Variants in WWOX observed in about 807,000 individuals in gnomAD.
The protein encoded by WWOX is WW domain-containing oxidoreductase.
In WWOX, 69 loss-of-function variants were observed where a neutral mutation model predicts 46.2. The ratio of observed to expected loss-of-function variants is 1.49; its 90% confidence interval spans 1.23 to 1.82. The LOEUF is 1.82. Among genes scored for constraint, WWOX ranks in the 40% most tolerant of loss-of-function variants. WWOX has a pLI of 0.00. For missense variants in WWOX, 919 were observed against 542.6 expected, an observed-to-expected ratio of 1.69 and a Z score of -6.89; for synonymous variants, 359 against 202.6, an observed-to-expected ratio of 1.77 and a Z score of -6.56.
intron 8 of WWOX, among the ~76,000 whole-genome samples, chr16:78,633,331 C>T (rs2046486226): frequency 1.3e-5 from 2 of 152,134 alleles, no homozygotes; most frequent in Non-Finnish European, 2.9e-5. Context: ...TGGGGCTACC[C>T]AACTAGGTCG....
At chr16:78,476,687 G>A (rs775891841) in intron 8 of WWOX, among the ~76,000 whole-genome samples, 2 of 152,078 alleles carry the variant, frequency 1.3e-5, no homozygotes, top group African/African-American at 4.8e-5. Flanking sequence ...TGATCACAGA[G>A]GATGAAAAGT....
intron 8 of WWOX, among the ~76,000 whole-genome samples, chr16:78,469,774 C>T (rs1223261297): frequency 2.6e-5 from 4 of 152,134 alleles, no homozygotes; most frequent in Non-Finnish European, 5.9e-5. Flanking sequence ...TCCCTGTTTC[C>T]CTAAGAAGAG....
intron 8 of WWOX, among the ~76,000 whole-genome samples, chr16:78,452,794 A>C (rs191209726): frequency 6.7e-6 from 1 of 150,348 alleles, no homozygotes; most frequent in East Asian, 2.0e-4. Context: ...ATACGTATTT[A>C]TGTCTTTCGA....
intron 6 of WWOX, among the ~76,000 whole-genome samples, chr16:78,416,142 A>G (rs939569809): frequency 6.6e-6 from 1 of 152,220 alleles, no homozygotes; most frequent in Non-Finnish European, 1.5e-5. Context: ...AATGCTGACT[A>G]GTAACATCAG....
At chr16:78,664,064 T>C (rs1487700689) in intron 8 of WWOX, among the ~76,000 whole-genome samples, 4 of 152,146 alleles carry the variant, frequency 2.6e-5, no homozygotes, top group African/African-American at 9.7e-5. Context: ...AAAGACGCCA[T>C]GGTTGCCATG....
chr16:78,263,211 G>C (rs1481906873), intron 5 of WWOX, among the ~76,000 whole-genome samples: 2 of 152,200 alleles, frequency 1.3e-5, no homozygotes. Flanking sequence ...CTGCACTTCA[G>C]AGCGAGACTT....
intron 8 of WWOX, among the ~76,000 whole-genome samples, chr16:79,034,033 G>C (rs1332085518): frequency 4.6e-5 from 7 of 152,206 alleles, no homozygotes; most frequent in South Asian, 2.1e-4. Context: ...AGGAAGCACA[G>C]GCTATGGCTC....
chr16:79,012,650 A>T (rs993556941), intron 8 of WWOX, among the ~76,000 whole-genome samples: 22 of 152,228 alleles, frequency 1.4e-4, no homozygotes, highest in African/African-American at 4.8e-4. Flanking sequence ...TGATTAACCA[A>T]TGAATGAGGG....
At chr16:78,103,140 C>T (rs2031908044) in intron 1 of WWOX, among the ~76,000 whole-genome samples, 1 of 152,106 alleles carries the variant, frequency 6.6e-6, no homozygotes. Flanking sequence ...CCTGAGTGGC[C>T]CCTGGCCAGG....
chr16:78,740,212 A>G (rs2049184142), intron 8 of WWOX, among the ~76,000 whole-genome samples: 1 of 152,160 alleles, frequency 6.6e-6, no homozygotes, highest in Non-Finnish European at 1.5e-5. Context: ...AGTTGAAGAA[A>G]TGGGACTCAG....
chr16:78,625,834 G>A (rs562809974), intron 8 of WWOX, among the ~76,000 whole-genome samples: 53 of 145,458 alleles, frequency 3.6e-4, no homozygotes, highest in Non-Finnish European at 6.2e-4. Context: ...AATGGCAATT[G>A]CGGTTTTTGC....
intron 4 of WWOX, among the ~76,000 whole-genome samples, chr16:78,122,477 C>T (rs753895470): frequency 1.1e-4 from 16 of 152,062 alleles, no homozygotes; most frequent in Non-Finnish European, 1.9e-4. Context: ...GGTTTTGTAG[C>T]ATTACGTAAA....
chr16:79,136,987 G>T (rs1227505178), intron 8 of WWOX, among the ~76,000 whole-genome samples: 1 of 152,140 alleles, frequency 6.6e-6, no homozygotes, highest in Non-Finnish European at 1.5e-5. Context: ...GAGCTCCAAG[G>T]TGGAGGAAAA....
At chr16:78,565,575 G>C (rs963095148) in intron 8 of WWOX, among the ~76,000 whole-genome samples, 62 of 152,120 alleles carry the variant, frequency 4.1e-4, no homozygotes, top group African/African-American at 1.4e-3. Flanking sequence ...GATAATCTTG[G>C]ATAATCACTC....
intron 8 of WWOX, among the ~76,000 whole-genome samples, chr16:78,436,345 C>T (rs1253218239): frequency 1.3e-5 from 2 of 152,182 alleles, no homozygotes; most frequent in Non-Finnish European, 2.9e-5. Flanking sequence ...GTTCAGTGAT[C>T]TCCAACCTGC....
At chr16:78,213,162 G>C (rs2036611527) in intron 5 of WWOX, among the ~76,000 whole-genome samples, 1 of 150,048 alleles carries the variant, frequency 6.7e-6, no homozygotes, top group Non-Finnish European at 1.5e-5. Flanking sequence ...GAGGCACAAG[G>C]ATTGCTTGAA....
At chr16:78,388,016 G>T (rs1390041258) in intron 6 of WWOX, among the ~76,000 whole-genome samples, 1 of 151,992 alleles carries the variant, frequency 6.6e-6, no homozygotes, top group Non-Finnish European at 1.5e-5. Flanking sequence ...ATGGCCCTGT[G>T]GGGAGCTGAC....
At chr16:78,154,902 G>A (rs1044709945) in intron 4 of WWOX, among the ~76,000 whole-genome samples, 1 of 152,156 alleles carries the variant, frequency 6.6e-6, no homozygotes, top group Non-Finnish European at 1.5e-5. Flanking sequence ...GATGTTTCCT[G>A]AATAATGTGC....
At chr16:78,557,782 G>A (rs112332017) in intron 8 of WWOX, among the ~76,000 whole-genome samples, 10 of 140,170 alleles carry the variant, frequency 7.1e-5, no homozygotes, top group African/African-American at 2.8e-4. Context: ...TGCAACCTCC[G>A]CCTCCTGGGT....
Sources: gnomAD v4.1 joint callset for allele counts (sites outside exome capture counted in the v4.1 genomes callset) on GRCh38, gnomAD v4.1.1 for gene constraint, MANE v1.5 for transcripts, NCBI Gene and HGNC (gene_info 2026-07-23, HGNC 2026-07-21) for gene names.